BCHE: variants seen among roughly 807,000 people sequenced by gnomAD.
The protein encoded by BCHE is cholinesterase.
Under a neutral mutation model 51.3 loss-of-function variants are expected in BCHE, and 48 were observed. That is an observed-to-expected ratio of 0.94 (90% CI 0.74 to 1.19). The LOEUF is 1.19. Ranked by LOEUF, BCHE falls within the 50% of genes most tolerant of loss-of-function variation. BCHE has a pLI of 0.00. For synonymous variants in BCHE, 251 were observed against 238.0 expected, an observed-to-expected ratio of 1.05 and a Z score of -0.50; for missense variants, 847 against 708.2, an observed-to-expected ratio of 1.20 and a Z score of -2.23.
At chr3:165,799,769 A>C (rs1713566204) in intron 2 of BCHE, among the ~76,000 whole-genome samples, 1 of 152,240 alleles carries the variant, frequency 6.6e-6, no homozygotes, top group Admixed American at 6.5e-5. Flanking sequence ...CATTTTAATA[A>C]TCGATTTCAG....
At chr3:165,808,047 G>C (rs1361689276) in intron 2 of BCHE, among the ~76,000 whole-genome samples, 1 of 151,784 alleles carries the variant, frequency 6.6e-6, no homozygotes, top group Non-Finnish European at 1.5e-5. Flanking sequence ...GCAGTGGCGC[G>C]ATCTCAGCTC....
chr3:165,794,142 T>A (rs1713277359), intron 2 of BCHE, among the ~76,000 whole-genome samples: 1 of 152,070 alleles, frequency 6.6e-6, no homozygotes, highest in African/African-American at 2.4e-5. Flanking sequence ...GAGTTTAATA[T>A]CCACTGAATT....
In BCHE at chr3:165,830,580, A is replaced by G. The variant is rs1487515817; in HGVS notation, c.454T>C (p.Ser152Pro). The part of the protein sequence containing the change: ...YGGGFQTGTS[S>P]LHVYDGKFLA... ...AACTTGCCATCATAAACATGTAAAG[A>G]TGATGTTCCAGTTTGAAAACCACCA... Residue 152 changes from serine (S) to proline (P), a missense_variant, in exon 2 of 4, where the codon TCT (serine) becomes CCT (proline). Physicochemically the swap from Ser to Pro is moderately conservative, Grantham distance 74. Transcript: ENST00000264381. The G allele has an allele frequency of 4.3e-6, 7 of 1,614,006 alleles. 1 individual carries two copies. The South Asian group carries it at 7.7e-5, about 18-fold the overall frequency.
chr3:165,793,945 G>A (rs1713268521), intron 2 of BCHE, among the ~76,000 whole-genome samples: 1 of 152,000 alleles, frequency 6.6e-6, no homozygotes, highest in African/African-American at 2.4e-5. Context: ...TCCTCGGAAG[G>A]CTGAGGCAGG....
intron 2 of BCHE, chr3:165,827,852 A>G: frequency 3.3e-6 from 1 of 299,244 alleles, no homozygotes; most frequent in Non-Finnish European, 6.6e-6. Flanking sequence ...GAGAAGGAAT[A>G]AAATATTTTA....
intron 2 of BCHE, among the ~76,000 whole-genome samples, chr3:165,795,978 C>T (rs1446323040): frequency 6.6e-6 from 1 of 151,920 alleles, no homozygotes; most frequent in Non-Finnish European, 1.5e-5. Context: ...AAGAACCCCA[C>T]AGGAAATATA....
intron 3 of BCHE, among the ~76,000 whole-genome samples, chr3:165,781,660 T>G (rs1246035047): frequency 6.6e-6 from 1 of 152,004 alleles, no homozygotes; most frequent in African/African-American, 2.4e-5. Flanking sequence ...AAAACCTAGA[T>G]GACGTGTTGA....
chr3:165,805,462 G>T (rs1713832484), intron 2 of BCHE, among the ~76,000 whole-genome samples: 1 of 152,110 alleles, frequency 6.6e-6, no homozygotes, highest in Non-Finnish European at 1.5e-5. Context: ...TTACTGCTAG[G>T]TTACACAAAC....
In BCHE at chr3:165,773,081, T is replaced by G; in HGVS notation, c.*301A>C. On this transcript the variant is annotated 3_prime_UTR_variant, in exon 4 of 4. Coordinates refer to ENST00000264381, the MANE Select transcript of BCHE (RefSeq NM_000055.4). ...GACTAAAAGCAGAGCACTGATAATT[T>G]TGGGGGGAAAAACTTAAATTTATTA... 1 of 113,146 alleles carries G rather than the reference T, an allele frequency of 8.8e-6. No homozygotes were observed. Among genetic ancestry groups the G allele is most frequent in the Non-Finnish European group, 1.6e-5 (1 of 61,028 alleles). 7.0% of individuals were successfully genotyped at this position (113,146 alleles called of 1,614,324 possible). A position where few individuals can be genotyped will look rare whatever the true frequency, so the allele number is the denominator to read the frequency against.
chr3:165,819,553 T>C (rs1388862640), intron 2 of BCHE, among the ~76,000 whole-genome samples: 1 of 152,170 alleles, frequency 6.6e-6, no homozygotes, highest in African/African-American at 2.4e-5. Context: ...CACTACTTTT[T>C]ATATGGTTTA....
intron 3 of BCHE, 79 bp from the exon 4 acceptor site, chr3:165,773,585 GC>G: frequency 7.6e-7 from 1 of 1,317,242 alleles, no homozygotes; most frequent in Non-Finnish European, 1.1e-6. Context: ...GAATACAAAA[GC>G]CATTTTCTCT....
intron 2 of BCHE, among the ~76,000 whole-genome samples, chr3:165,812,306 A>C (rs1576858230): frequency 6.7e-6 from 1 of 149,882 alleles, no homozygotes; most frequent in East Asian, 1.9e-4. Flanking sequence ...TTGAGGTCCC[A>C]CTACGTTTAT....
chr3:165,798,903 A>C (rs186264684), intron 2 of BCHE, among the ~76,000 whole-genome samples: 6 of 152,156 alleles, frequency 3.9e-5, no homozygotes, highest in African/African-American at 1.4e-4. Flanking sequence ...ATAAAAAAAA[A>C]CTAGAGTATA....
chr3:165,793,488 G>A (rs116403557), intron 2 of BCHE, among the ~76,000 whole-genome samples: 264 of 152,210 alleles, frequency 1.7e-3, no homozygotes, highest in African/African-American at 6.2e-3. Flanking sequence ...TTTGTTCACA[G>A]CCTGAAATTG....
In BCHE at chr3:165,829,873, T is replaced by C; in HGVS notation, c.1161A>G (p.Pro387=). The C allele has an allele frequency of 1.2e-6, 2 of 1,611,816 alleles. No homozygotes were observed. Among genetic ancestry groups the C allele is most frequent in the Non-Finnish European group, 8.5e-7 (1 of 1,179,316 alleles). The change falls in exon 2 of 4, where the codon CCA becomes CCG. Residue 387 remains proline (P), a synonymous_variant. Coordinates refer to ENST00000264381, the MANE Select transcript of BCHE (RefSeq NM_000055.4). ...ATTCCTTTCCAAACTCACTCACTCCTGGAAAAAATATTTTTAAACCTTCCT... is the reference window on the plus strand; with the variant it reads ...ATTCCTTTCCAAACTCACTCACTCCCGGAAAAAATATTTTTAAACCTTCCT... The part of the protein sequence containing the change: ...EFQEGLKIFF[P]GVSEFGKESI...
intron 3 of BCHE, among the ~76,000 whole-genome samples, chr3:165,782,848 G>T (rs1207723986): frequency 6.6e-6 from 1 of 152,010 alleles, no homozygotes; most frequent in Non-Finnish European, 1.5e-5. Context: ...AAGAATGGGG[G>T]AGTTCCCTCA....
At chr3:165,779,466 G>A (rs962777759) in intron 3 of BCHE, among the ~76,000 whole-genome samples, 5 of 152,036 alleles carry the variant, frequency 3.3e-5, no homozygotes, top group Non-Finnish European at 7.4e-5. Context: ...AAAAAGAAAG[G>A]AAGTCAAGTT....
chr3:165,776,637 C>A (rs889233791), intron 3 of BCHE, among the ~76,000 whole-genome samples: 7 of 151,700 alleles, frequency 4.6e-5, no homozygotes, highest in Admixed American at 3.3e-4. Context: ...AAATAAAGAA[C>A]CCTAACTTGT....
intron 1 of BCHE, among the ~76,000 whole-genome samples, chr3:165,833,565 A>G (rs977637885): frequency 2.0e-5 from 3 of 152,188 alleles, no homozygotes; most frequent in Non-Finnish European, 2.9e-5. Flanking sequence ...AAGCATCATT[A>G]TGTATTGTAT....
Sources: gnomAD v4.1 joint callset for allele counts (sites outside exome capture counted in the v4.1 genomes callset) on GRCh38, gnomAD v4.1.1 for gene constraint, MANE v1.5 for transcripts, NCBI Gene and HGNC (gene_info 2026-07-23, HGNC 2026-07-21) for gene names.